The following DCC variants were observed in gnomAD, a reference collection of about 807,000 sequenced individuals.
The protein encoded by DCC is netrin receptor DCC.
DCC carries 58 observed loss-of-function variants against 172.5 expected under a neutral mutation model. The observed-to-expected ratio is 0.34, with a 90% CI of 0.27 to 0.42. The LOEUF (loss-of-function observed/expected upper bound fraction) is 0.42, where lower values mean the gene tolerates loss of function less well. Among genes scored for constraint, DCC ranks in the 10% least tolerant of loss-of-function variants. The pLI is 1.00. For synonymous variants in DCC, 709 were observed against 644.5 expected (o/e 1.10, Z -1.52); for missense variants, 1,740 against 1,791.0 (o/e 0.97, Z 0.51).
At chr18:53,270,870 ATTATAT>A (rs2056740650) in intron 12 of DCC, among the ~76,000 whole-genome samples, 2 of 152,150 alleles carry the variant, frequency 1.3e-5, no homozygotes, top group Non-Finnish European at 1.5e-5. Context: ...GTATAAGCAG[ATTATAT>A]TTATAGAGTC....
chr18:52,911,318 T>C (rs1257984457), intron 3 of DCC, among the ~76,000 whole-genome samples: 2 of 152,164 alleles, frequency 1.3e-5, no homozygotes, highest in East Asian at 3.9e-4. Flanking sequence ...TTGGGAAATT[T>C]GGAAGGTTTG....
chr18:53,143,965 CT>C (rs1468669646), intron 7 of DCC, among the ~76,000 whole-genome samples: 2 of 152,110 alleles, frequency 1.3e-5, no homozygotes, highest in Non-Finnish European at 2.9e-5. Context: ...TGAAATAATT[CT>C]CTTTGGTGGA....
chr18:53,120,183 T>A (rs956658863), intron 7 of DCC, among the ~76,000 whole-genome samples: 1 of 151,856 alleles, frequency 6.6e-6, no homozygotes, highest in African/African-American at 2.4e-5. Flanking sequence ...AATTCTGAAA[T>A]TAAAATATAT....
intron 1 of DCC, among the ~76,000 whole-genome samples, chr18:52,706,568 C>T (rs2036215447): frequency 6.6e-6 from 1 of 152,172 alleles, no homozygotes; most frequent in African/African-American, 2.4e-5. Context: ...TTCTAATCTT[C>T]ACCTCAAAGC....
intron 1 of DCC, among the ~76,000 whole-genome samples, chr18:52,601,411 A>G (rs1144100): frequency 0.89 from 135,669 of 151,952 alleles, 61,227 homozygotes; most frequent in Middle Eastern, 0.99. Flanking sequence ...CTTTGTAAAC[A>G]TCTAATCTCC....
chr18:52,859,175 G>C (rs1267159931), intron 2 of DCC, among the ~76,000 whole-genome samples: 1 of 152,068 alleles, frequency 6.6e-6, no homozygotes, highest in Non-Finnish European at 1.5e-5. Context: ...ATGGCCCATA[G>C]TGGTAATGTG....
chr18:52,567,754 C>T (rs1379681002), intron 1 of DCC, among the ~76,000 whole-genome samples: 3 of 151,970 alleles, frequency 2.0e-5, no homozygotes, highest in African/African-American at 4.8e-5. Flanking sequence ...CCAGACTTTA[C>T]TACTAAGCAG....
rs185428335 is a variant in DCC at position 52,548,289 on chromosome 18, A to T, written c.92-203765A>T. ...ATATTCCAAATAAGTTGTGAAAGTC[A>T]CCCTGACTCAGGGGCTTAAATGTAA... On this transcript the variant is annotated intron_variant, in intron 1 of 28. Transcript: ENST00000442544. Among the ~76,000 whole-genome samples the T allele has an allele frequency of 3.5e-3, 533 of 152,190 alleles. 2 individuals carry two copies. The highest frequency in any genetic ancestry group is 6.8e-3 in the Middle Eastern group (2 of 294).
chr18:53,036,729 G>A (rs1303319176), intron 5 of DCC, among the ~76,000 whole-genome samples: 1 of 151,978 alleles, frequency 6.6e-6, no homozygotes, highest in African/African-American at 2.4e-5. Flanking sequence ...CTTTTTAATT[G>A]TGCGTGGAGA....
Position 53,175,456 on chromosome 18 carries a change from G to C in DCC, c.1419-3506G>C, listed in dbSNP as rs543484540. ...TCGTCTCAACCCAAAATCTCCTTAA[G>C]CTGATAAGCAACTTCAGCAAAGTCT... On this transcript the variant is annotated intron_variant, in intron 8 of 28. Transcript: ENST00000442544. Among the ~76,000 whole-genome samples the C allele has an allele frequency of 6.5e-3, 987 of 152,070 alleles. 9 individuals are homozygous for C. Among genetic ancestry groups the C allele is most frequent in the African/African-American group, 0.023 (965 of 41,466 alleles).
At chr18:52,909,041 G>A (rs1011043341) in intron 3 of DCC, among the ~76,000 whole-genome samples, 3 of 152,008 alleles carry the variant, frequency 2.0e-5, no homozygotes, top group African/African-American at 7.2e-5. Flanking sequence ...TGGTTTAGAG[G>A]TCAAATTCAC....
intron 11 of DCC, among the ~76,000 whole-genome samples, chr18:53,208,363 G>T (rs2055690264): frequency 6.6e-6 from 1 of 151,802 alleles, no homozygotes; most frequent in Non-Finnish European, 1.5e-5. Context: ...CTCAAAATGT[G>T]ACTATTGACT....
chr18:52,583,249 G>A (rs552938233), intron 1 of DCC, among the ~76,000 whole-genome samples: 1 of 152,238 alleles, frequency 6.6e-6, no homozygotes, highest in African/African-American at 2.4e-5. Context: ...AATATTTATT[G>A]ATCAATGTGC....
chr18:53,304,292 C>T (rs1375306368), intron 12 of DCC, among the ~76,000 whole-genome samples: 2 of 152,064 alleles, frequency 1.3e-5, no homozygotes, highest in African/African-American at 2.4e-5. Context: ...TTCTTTTACC[C>T]AGTATTTCCC....
chr18:52,859,045 G>T (rs1375880731), intron 2 of DCC, among the ~76,000 whole-genome samples: 1 of 152,110 alleles, frequency 6.6e-6, no homozygotes, highest in African/African-American at 2.4e-5. Context: ...GCTCATGCCT[G>T]CCATCCCAGC....
intron 1 of DCC, among the ~76,000 whole-genome samples, chr18:52,671,441 A>G (rs2035550995): frequency 6.6e-6 from 1 of 152,124 alleles, no homozygotes; most frequent in Non-Finnish European, 1.5e-5. Flanking sequence ...ATGCCTTTAA[A>G]AAAATCAAAA....
At chr18:53,382,104 A>ACC (rs1555661840) in intron 15 of DCC, among the ~76,000 whole-genome samples, 11 of 52,830 alleles carry the variant, frequency 2.1e-4, no homozygotes, top group African/African-American at 4.5e-4. Flanking sequence ...ACACACACAC[A>ACC]CCCCTACCTC....
chr18:53,172,978 A>G (rs985153718), intron 8 of DCC, among the ~76,000 whole-genome samples: 5 of 152,138 alleles, frequency 3.3e-5, no homozygotes, highest in African/African-American at 7.2e-5. Flanking sequence ...AAACCACCCT[A>G]TCTATATCAG....
chr18:52,792,769 T>C (rs8083635), intron 2 of DCC, among the ~76,000 whole-genome samples: 349 of 134,374 alleles, frequency 2.6e-3, no homozygotes, highest in African/African-American at 0.01. Context: ...TATTCCATTC[T>C]ATTCCATTCC....
Sources: gnomAD v4.1 joint callset for allele counts (sites outside exome capture counted in the v4.1 genomes callset) on GRCh38, gnomAD v4.1.1 for gene constraint, MANE v1.5 for transcripts, NCBI Gene and HGNC (gene_info 2026-07-23, HGNC 2026-07-21) for gene names.